The following PCDH7 variants were observed in gnomAD, a reference collection of about 807,000 sequenced individuals.
PCDH7 encodes protocadherin 7, also known as protocadherin-7.
A neutral mutation model predicts 58.9 loss-of-function variants in PCDH7; 17 were observed. That is an observed-to-expected ratio of 0.29 (90% CI 0.20 to 0.43). The LOEUF (loss-of-function observed/expected upper bound fraction) is 0.43. Among genes scored for constraint, PCDH7 ranks in the 20% least tolerant of loss-of-function variants. The probability of loss-of-function intolerance (pLI) is 1.00; values close to 1 mark genes in which losing one functional copy is unlikely to be tolerated. For missense variants in PCDH7, 1,274 were observed against 1,441.0 expected (o/e 0.88, Z 1.88); for synonymous variants, 664 against 616.4 (o/e 1.08, Z -1.14).
At chr4:30,890,477 T>G (rs898696242) in intron 1 of PCDH7, among the ~76,000 whole-genome samples, 4 of 151,848 alleles carry the variant, frequency 2.6e-5, no homozygotes, top group African/African-American at 9.7e-5. Context: ...TTTCATCGTT[T>G]ATTTTTCTTG....
At chr4:31,088,009 A>G (rs1399070075) in intron 3 of PCDH7, among the ~76,000 whole-genome samples, 1 of 152,026 alleles carries the variant, frequency 6.6e-6, no homozygotes, top group Non-Finnish European at 1.5e-5. Context: ...TGTTTTTGTA[A>G]GGAAACTAAG....
chr4:31,085,013 G>T (rs928600097), intron 3 of PCDH7, among the ~76,000 whole-genome samples: 3 of 152,126 alleles, frequency 2.0e-5, no homozygotes, highest in Non-Finnish European at 4.4e-5. Flanking sequence ...CAAGACAGGA[G>T]AATTCCAATA....
At chr4:30,808,474 A>G (rs879551495) in intron 1 of PCDH7, among the ~76,000 whole-genome samples, 6 of 152,198 alleles carry the variant, frequency 3.9e-5, no homozygotes, top group Non-Finnish European at 5.9e-5. Flanking sequence ...GCTAATTTCC[A>G]TCTGGCATCC....
intron 3 of PCDH7, among the ~76,000 whole-genome samples, chr4:31,057,272 T>C (rs1406726451): frequency 6.6e-6 from 1 of 152,094 alleles, no homozygotes; most frequent in Non-Finnish European, 1.5e-5. Flanking sequence ...TAATAATCTC[T>C]CCTCCATTTT....
At chr4:31,006,683 A>G (rs2109145234) in intron 3 of PCDH7, among the ~76,000 whole-genome samples, 1 of 152,168 alleles carries the variant, frequency 6.6e-6, no homozygotes, top group East Asian at 1.9e-4. Flanking sequence ...ACCTGAGGTC[A>G]GGAGTTCAAG....
chr4:30,800,112 C>T (rs1165060864), intron 1 of PCDH7, among the ~76,000 whole-genome samples: 2 of 151,910 alleles, frequency 1.3e-5, no homozygotes, highest in Non-Finnish European at 2.9e-5. Flanking sequence ...CCCACCTTGG[C>T]CTCCCAAAGT....
At chr4:30,749,103 A>T (rs534317039) in intron 1 of PCDH7, among the ~76,000 whole-genome samples, 1 of 152,318 alleles carries the variant, frequency 6.6e-6, no homozygotes, top group African/African-American at 2.4e-5. Context: ...CATTCGATTT[A>T]TTCCTATATG....
intron 3 of PCDH7, among the ~76,000 whole-genome samples, chr4:31,029,783 A>T: frequency 6.6e-6 from 1 of 152,138 alleles, no homozygotes; most frequent in East Asian, 1.9e-4. Context: ...TAGATCTGGT[A>T]TGAAGCCCTT....
chr4:31,082,300 C>T (rs570261632), intron 3 of PCDH7, among the ~76,000 whole-genome samples: 6 of 152,252 alleles, frequency 3.9e-5, no homozygotes, highest in South Asian at 4.1e-4. Flanking sequence ...ATACAACAAC[C>T]TTAAGACTAG....
chr4:30,804,970 C>T (rs557800187), intron 1 of PCDH7, among the ~76,000 whole-genome samples: 32 of 152,306 alleles, frequency 2.1e-4, no homozygotes, highest in African/African-American at 5.8e-4. Context: ...ACTCCACTGA[C>T]GTGGCCCTTA....
intron 2 of PCDH7, among the ~76,000 whole-genome samples, chr4:30,933,102 C>T (rs760285706): frequency 7.9e-5 from 12 of 151,730 alleles, no homozygotes; most frequent in Non-Finnish European, 1.3e-4. Flanking sequence ...TCTCGGCTCA[C>T]TGCAACCTCC....
chr4:31,073,450 C>T (rs1758723017), intron 3 of PCDH7, among the ~76,000 whole-genome samples: 2 of 152,072 alleles, frequency 1.3e-5, no homozygotes, highest in African/African-American at 2.4e-5. Context: ...TCAACTGACT[C>T]ATCATTACTT....
At chr4:30,983,725 AT>A (rs1365908653) in intron 3 of PCDH7, among the ~76,000 whole-genome samples, 2 of 152,348 alleles carry the variant, frequency 1.3e-5, no homozygotes, top group African/African-American at 4.8e-5. Flanking sequence ...CATAAGTGAC[AT>A]TTTGAAATAT....
intron 3 of PCDH7, among the ~76,000 whole-genome samples, chr4:30,997,807 G>A (rs1453923716): frequency 6.6e-6 from 1 of 152,104 alleles, no homozygotes; most frequent in Non-Finnish European, 1.5e-5. Flanking sequence ...AAGTCATCAG[G>A]CCAAACAAAT....
intron 3 of PCDH7, among the ~76,000 whole-genome samples, chr4:30,975,143 TTGTGTGTGTG>T (rs35675648): frequency 0.25 from 34,690 of 138,746 alleles, 4,906 homozygotes; most frequent in African/African-American, 0.42. Context: ...TTCCCTTTCA[TTGTGTGTGTG>T]TGTGTGTGTG....
At chr4:30,731,466 GGATT>G (rs1312890492) in exon 2 of PCDH7, 1 of 151,788 alleles carries the variant, frequency 6.6e-6, no homozygotes, top group East Asian at 1.9e-4. Flanking sequence ...GCACTGTAAT[GGATT>G]GATTTTTTTC....
At chr4:31,036,195 T>G (rs1019728782) in intron 3 of PCDH7, among the ~76,000 whole-genome samples, 6 of 152,188 alleles carry the variant, frequency 3.9e-5, no homozygotes, top group Non-Finnish European at 8.8e-5. Context: ...GTTCTTTTTT[T>G]GTATTTTTGA....
chr4:30,960,400 G>A (rs61792864), intron 3 of PCDH7, among the ~76,000 whole-genome samples: 34,264 of 151,998 alleles, frequency 0.23, 3,944 homozygotes, highest in Middle Eastern at 0.27. Flanking sequence ...AAACCAGGTA[G>A]TTTATGAATG....
In PCDH7 at chr4:31,045,674, C is replaced by T. The variant is rs531038089; in HGVS notation, c.*7+95459C>T. Among the ~76,000 whole-genome samples the T allele has an allele frequency of 3.2e-4, 49 of 152,054 alleles. 2 individuals are homozygous for T. Among genetic ancestry groups the T allele is most frequent in the African/African-American group, 9.6e-4 (40 of 41,548 alleles). On this transcript the variant is annotated intron_variant, in intron 3 of 3. Transcript: ENST00000509759. ...CAATTGATAACACTTTTCATAAATT[C>T]GATTATTGCAACCTATCTCTCCTGT...
Sources: allele counts gnomAD v4.1 joint callset (sites outside exome capture counted in the v4.1 genomes callset), GRCh38; gene constraint gnomAD v4.1.1; transcripts MANE v1.5; gene names NCBI Gene and HGNC (gene_info 2026-07-23, HGNC 2026-07-21).